The following GPR26 variants were observed in gnomAD, a reference collection of about 807,000 sequenced individuals.
GPR26 encodes G protein-coupled receptor 26.
Under a neutral mutation model 23.1 loss-of-function variants are expected in GPR26, and 15 were observed. The observed-to-expected ratio is 0.65, with a 90% CI of 0.43 to 1.00. The LOEUF is 1.00. GPR26 is among the 50% of genes least tolerant of loss of function. The pLI is 0.00. For synonymous variants in GPR26, 228 were observed against 222.1 expected (o/e 1.03, Z -0.24); for missense variants, 359 against 470.5 (o/e 0.76, Z 2.19).
chr10:123,685,278 T>C (rs1416304143), intron 2 of GPR26, among the ~76,000 whole-genome samples: 1 of 152,230 alleles, frequency 6.6e-6, no homozygotes, highest in Non-Finnish European at 1.5e-5. Context: ...GGAAGGGATC[T>C]GGTGCTCATC....
At chr10:123,677,303 G>C (rs1845321775) in intron 2 of GPR26, among the ~76,000 whole-genome samples, 1 of 152,074 alleles carries the variant, frequency 6.6e-6, no homozygotes, top group Non-Finnish European at 1.5e-5. Flanking sequence ...ATGCATCTTG[G>C]GTTTTAAAAA....
chr10:123,683,857 A>G (rs1845404344), intron 2 of GPR26, among the ~76,000 whole-genome samples: 1 of 152,194 alleles, frequency 6.6e-6, no homozygotes, highest in Admixed American at 6.5e-5. Context: ...TCAGAAAAAT[A>G]CACATCTCTG....
intron 2 of GPR26, among the ~76,000 whole-genome samples, chr10:123,684,959 C>T (rs938660002): frequency 7.2e-5 from 11 of 152,252 alleles, no homozygotes; most frequent in African/African-American, 2.7e-4. Flanking sequence ...GTAGGGCTTT[C>T]TGCCAGAACT....
At position 123,697,223 on chromosome 10, in the gene GPR26, G is replaced by GA. The variant is rs1241936119; in HGVS notation, c.*9066dup. On this transcript the variant is annotated 3_prime_UTR_variant, in exon 3 of 3. Coordinates refer to ENST00000284674, the MANE Select transcript of GPR26 (RefSeq NM_153442.4). ...CACTTGCCAACAGCTGTTTTCTGTT[G>GA]AAATGGGACTCAAGAATTTTGAATC... 6.6e-6 allele frequency among the ~76,000 whole-genome samples: 1 copy of GA among 152,146 alleles called. No individual in the cohort carries two copies. Among genetic ancestry groups the GA allele is most frequent in the Non-Finnish European group, 1.5e-5 (1 of 68,028 alleles).
rs1207206676 is a variant in GPR26, at chr10:123,688,303, C to T, written c.*143C>T. On this transcript the variant is annotated 3_prime_UTR_variant, in exon 3 of 3. Transcript: ENST00000284674. ...CCTGGTTCCCTGGCTTGTAGGGGCT[C>T]CAGAGCCTGCTTCCTGGTTCCTCAA... 3 of 626,562 alleles carry T rather than the reference C, an allele frequency of 4.8e-6. No homozygotes were observed. The highest frequency in any genetic ancestry group is 5.5e-5 in the East Asian group (2 of 36,680). The allele number at this position is 626,562 out of a possible 1,614,324, so 38.8% of individuals were successfully genotyped here.
chr10:123,685,387 G>C (rs1167192561), intron 2 of GPR26, among the ~76,000 whole-genome samples: 1 of 152,230 alleles, frequency 6.6e-6, no homozygotes, highest in Non-Finnish European at 1.5e-5. Flanking sequence ...GGCTGTCAGA[G>C]CTAGTGTGGA....
chr10:123,667,268 C>T (rs1018423732), intron 1 of GPR26, among the ~76,000 whole-genome samples, 193 bp downstream of exon 1: 6 of 152,180 alleles, frequency 3.9e-5, no homozygotes, highest in Non-Finnish European at 8.8e-5. Flanking sequence ...ACAAAAAATG[C>T]GGGTGAGCCC....
In GPR26 at chr10:123,674,734, T is replaced by G; in HGVS notation, c.669-84T>G. 1 of 828,440 alleles carries G rather than the reference T, an allele frequency of 1.2e-6. No homozygotes were observed. The highest frequency in any genetic ancestry group is 2.0e-6 in the Non-Finnish European group (1 of 500,062). 51.3% of individuals were successfully genotyped at this position (828,440 alleles called of 1,614,324 possible). A position where few individuals can be genotyped will look rare whatever the true frequency, so the allele number is the denominator to read the frequency against. ...ATAGTCAAGTTCTCACACTAGAGAC[T>G]GCTGCCTGTGTTAGTAAATAGTGCC... On this transcript the variant is annotated intron_variant, in intron 1 of 2. Coordinates refer to ENST00000284674, the MANE Select transcript of GPR26 (RefSeq NM_153442.4). The surrounding 1 kb of genome is among the most constrained non-coding windows in gnomAD (Gnocchi z 4.1).
rs1165933159 is a variant in GPR26, at chr10:123,666,807, G to A, written c.400G>A (p.Ala134Thr). ...ALMVAYTWLH[A>T]LTFPAAALAL... ...CATGGTGGCCTACACGTGGCTGCAC[G>A]CGCTCACCTTCCCAGCCGCCGCGCT... Residue 134 changes from alanine (A) to threonine (T), a missense_variant, in exon 1 of 3, where the codon GCG (alanine) becomes ACG (threonine). Physicochemically the swap from Ala to Thr is moderately conservative, Grantham distance 58. Transcript: ENST00000284674. The A allele has an allele frequency of 6.2e-7, 1 of 1,607,796 alleles. No homozygotes were observed. The highest frequency in any genetic ancestry group is 8.5e-7 in the Non-Finnish European group (1 of 1,177,970).
At chr10:123,673,164 A>G (rs1266521162) in intron 1 of GPR26, among the ~76,000 whole-genome samples, 1 of 152,214 alleles carries the variant, frequency 6.6e-6, no homozygotes, top group Non-Finnish European at 1.5e-5. Flanking sequence ...TCAACTCTTT[A>G]AATTCCTGGA....
intron 1 of GPR26, among the ~76,000 whole-genome samples, chr10:123,673,091 A>G (rs1845268445): frequency 6.6e-6 from 1 of 152,232 alleles, no homozygotes; most frequent in African/African-American, 2.4e-5. Flanking sequence ...TAGTAATATT[A>G]GTCATGAGTA....
At position 123,692,321 on chromosome 10, in the gene GPR26, T is replaced by C. The variant is rs932243008; in HGVS notation, c.*4161T>C. 2.0e-5 allele frequency: 3 copies of C among 152,288 alleles called. No individual in the cohort carries two copies. Among genetic ancestry groups the C allele is most frequent in the African/African-American group, 7.2e-5 (3 of 41,476 alleles). 9.4% of individuals were successfully genotyped at this position (152,288 alleles called of 1,614,324 possible). A position where few individuals can be genotyped will look rare whatever the true frequency, so the allele number is the denominator to read the frequency against. Reference sequence around the variant, plus strand: ...TGATGACATCTGCCACCTCTGCCACTACCCAGAGCTTGTCCTGCCCTCTTC... The same window carrying C: ...TGATGACATCTGCCACCTCTGCCACCACCCAGAGCTTGTCCTGCCCTCTTC... On this transcript the variant is annotated 3_prime_UTR_variant, in exon 3 of 3. Transcript: ENST00000284674.
In GPR26 at chr10:123,690,030, C is replaced by A. The variant is rs1460054906; in HGVS notation, c.*1870C>A. 6.6e-6 allele frequency: 1 copy of A among 152,138 alleles called. No homozygotes were observed. The highest frequency in any genetic ancestry group is 2.4e-5 in the African/African-American group (1 of 41,422). The allele number at this position is 152,138 out of a possible 1,614,324, so 9.4% of individuals were successfully genotyped here. ...AAATCAGCAAGTGCTGTAAATCAGG[C>A]CTTTTGCCCCACAGAGAGCTGATTG... is the stretch of plus-strand genomic sequence containing the variant. On this transcript the variant is annotated 3_prime_UTR_variant, in exon 3 of 3. Transcript: ENST00000284674.
In GPR26 at chr10:123,674,188, C is replaced by T. The variant is rs548236822; in HGVS notation, c.669-630C>T. Among the ~76,000 whole-genome samples, 17 of 152,302 alleles carry T rather than the reference C, an allele frequency of 1.1e-4. No homozygotes were observed. In the South Asian group the frequency reaches 3.5e-3, roughly 32 times the overall value. On this transcript the variant is annotated intron_variant, in intron 1 of 2. Coordinates refer to ENST00000284674, the MANE Select transcript of GPR26 (RefSeq NM_153442.4). The surrounding 1 kb of genome is among the most constrained non-coding windows in gnomAD (Gnocchi z 4.1). ...GGCCAGGCTGGTCTCAAACTCCCGACCTCAGGTGATCCACCCACTTCGGCC... is the reference window on the plus strand; with the variant it reads ...GGCCAGGCTGGTCTCAAACTCCCGATCTCAGGTGATCCACCCACTTCGGCC...
chr10:123,682,054 G>C (rs781739969), intron 2 of GPR26, among the ~76,000 whole-genome samples: 1 of 152,230 alleles, frequency 6.6e-6, no homozygotes, highest in Non-Finnish European at 1.5e-5. Context: ...CAACACCAAA[G>C]ACTGGGGCAG....
Position 123,695,014 on chromosome 10 carries a change from C to T in GPR26, c.*6854C>T, listed in dbSNP as rs546599005. 2.3e-4 allele frequency among the ~76,000 whole-genome samples: 35 copies of T among 152,162 alleles called. 1 individual carries two copies. The highest frequency in any genetic ancestry group is 6.2e-4 in the South Asian group (3 of 4,820). On this transcript the variant is annotated 3_prime_UTR_variant, in exon 3 of 3. Transcript: ENST00000284674. The stretch of plus-strand genomic sequence containing the variant: ...CACTGCCACATACCCCCAGGACAAA[C>T]GGAAAAATCCACACAGCAGAAACAA...
At position 123,683,272 on chromosome 10, in the gene GPR26, T is replaced by C. The variant is rs549079253; in HGVS notation, c.783-4657T>C. 1.4e-4 allele frequency among the ~76,000 whole-genome samples: 22 copies of C among 152,278 alleles called. No homozygotes were observed. In the East Asian group the frequency reaches 4.2e-3, roughly 29 times the overall value. On this transcript the variant is annotated intron_variant, in intron 2 of 2. Transcript: ENST00000284674. ...CCCACCTTCCAGTTTCAAATCCTGG[T>C]TCCTGAATGTTCCGGCTGTGTAGCT... is the stretch of plus-strand genomic sequence containing the variant.
At position 123,667,086 on chromosome 10, in the gene GPR26, C is replaced by G. The variant is rs778972364; in HGVS notation, c.668+11C>G. ...GGACCTGCACCCCAGGTGAGCCGAG[C>G]GCAGCTAAGGCTCTGGGAACAGCCG... On this transcript the variant is annotated intron_variant, in intron 1 of 2. Transcript: ENST00000284674. The G allele has an allele frequency of 2.6e-6, 4 of 1,566,030 alleles. No individual in the cohort carries two copies. In the African/African-American group the frequency reaches 5.4e-5, roughly 21 times the overall value.
rs144044850 is a variant in GPR26 at position 123,667,695 on chromosome 10, A to T, written c.668+620A>T. ...CTGCCCTCCCCAGAGAGCACTGTCC[A>T]ATGTCTGCCTGACTTGGTGCCTAGA... On this transcript the variant is annotated intron_variant, in intron 1 of 2. Coordinates refer to ENST00000284674, the MANE Select transcript of GPR26 (RefSeq NM_153442.4). Among the ~76,000 whole-genome samples the T allele has an allele frequency of 1.7e-3, 264 of 151,728 alleles. 1 individual carries two copies. The highest frequency in any genetic ancestry group is 6.0e-3 in the African/African-American group (246 of 41,334).
Sources: allele counts gnomAD v4.1 joint callset (sites outside exome capture counted in the v4.1 genomes callset), GRCh38; gene constraint gnomAD v4.1.1; non-coding constraint Gnocchi (gnomAD v3.1); transcripts MANE v1.5; gene names NCBI Gene and HGNC (gene_info 2026-07-23, HGNC 2026-07-21).